PHF19: variants seen among roughly 807,000 people sequenced by gnomAD.
PHF19 encodes polycomb like 3.
PHF19 carries 21 observed loss-of-function variants against 79.8 expected under a neutral mutation model. The ratio of observed to expected loss-of-function variants is 0.26; its 90% CI spans 0.19 to 0.38. The LOEUF (loss-of-function observed/expected upper bound fraction) is 0.38. Ranked by LOEUF, PHF19 falls within the 10% of genes least tolerant of loss-of-function variation. The pLI, the probability that PHF19 is intolerant of heterozygous loss-of-function variation, is 1.00. For missense variants in PHF19, 445 were observed against 744.2 expected, an observed-to-expected ratio of 0.60 and a Z score of 4.68; for synonymous variants, 273 against 296.3, an observed-to-expected ratio of 0.92 and a Z score of 0.81.
intron 1 of PHF19, among the ~76,000 whole-genome samples, chr9:120,890,120 G>C (rs1183668892): frequency 2.0e-5 from 3 of 152,210 alleles, no homozygotes; most frequent in African/African-American, 7.2e-5. Flanking sequence ...CTGGCACCCA[G>C]TAAATGTCCC....
Position 120,860,908 on chromosome 9 carries a change from G to C in PHF19, c.1304+181C>G. The C allele has an allele frequency of 1.7e-6, 1 of 577,746 alleles. No individual in the cohort carries two copies. Among genetic ancestry groups the C allele is most frequent in the Non-Finnish European group, 3.2e-6 (1 of 316,856 alleles). 35.8% of individuals were successfully genotyped at this position (577,746 alleles called of 1,614,324 possible). A position where few individuals can be genotyped will look rare whatever the true frequency, so the allele number is the denominator to read the frequency against. On this transcript the variant is annotated intron_variant, in intron 13 of 14. Transcript: ENST00000373896. This position sits in a 1 kb window ranked among gnomAD's most constrained non-coding sequence, Gnocchi z 4.1. ...ACCATGGGGCAAGGTGGGGAGGGCT[G>C]GAGAAGAGGGGAGGGCTGTGGTGCT...
intron 3 of PHF19, among the ~76,000 whole-genome samples, chr9:120,871,273 C>T (rs932025484): frequency 1.4e-4 from 21 of 152,196 alleles, no homozygotes; most frequent in African/African-American, 4.6e-4. Flanking sequence ...CTACTATATT[C>T]CCACCTACTT....
intron 1 of PHF19, chr9:120,876,474 C>T (rs2046060301): frequency 6.6e-6 from 1 of 152,034 alleles, no homozygotes; most frequent in Non-Finnish European, 1.5e-5. Context: ...CGCCTCCGTC[C>T]TCCCGGAGCG....
upstream of PHF19, among the ~76,000 whole-genome samples, chr9:120,879,729 C>T (rs562375746): frequency 7.9e-4 from 120 of 152,194 alleles, no homozygotes; most frequent in Non-Finnish European, 1.3e-3. Flanking sequence ...ACAAGTTTCC[C>T]GGAAAAAGTA....
At position 120,860,068 on chromosome 9, in the gene PHF19, G is replaced by C. The variant is rs749645852; in HGVS notation, c.1400+22C>G. ...ATGATGGTCCTTGCAAAATGTGAAG[G>C]CCAGACCTCTAGGAAGCTCACCTGG... On this transcript the variant is annotated intron_variant, in intron 14 of 14. Transcript: ENST00000373896. This position sits in a 1 kb window ranked among gnomAD's most constrained non-coding sequence, Gnocchi z 4.1. 4 of 1,321,634 alleles carry C rather than the reference G, an allele frequency of 3.0e-6. No individual in the cohort carries two copies. The East Asian group carries it at 7.3e-5, about 24-fold the overall frequency. 81.9% of individuals were successfully genotyped at this position (1,321,634 alleles called of 1,614,324 possible). A position where few individuals can be genotyped will look rare whatever the true frequency, so the allele number is the denominator to read the frequency against.
rs554017426 is a variant in PHF19 at position 120,862,456 on chromosome 9, C to T, written c.1130+132G>A. On this transcript the variant is annotated intron_variant, in intron 11 of 14. Coordinates refer to ENST00000373896, the MANE Select transcript of PHF19 (RefSeq NM_015651.3). The surrounding 1 kb of genome is among the most constrained non-coding windows in gnomAD (Gnocchi z 4.6). ...GTTGGGGATCTGGGATCTGGGATCC[C>T]GCTCAGCCACTATCTAGCCCTCTCA... 4.0e-5 allele frequency: 29 copies of T among 718,248 alleles called. No homozygotes were observed. Among genetic ancestry groups the T allele is most frequent in the African/African-American group, 1.1e-4 (6 of 56,570 alleles). The allele number at this position is 718,248 out of a possible 1,614,324, so 44.5% of individuals were successfully genotyped here.
the PHF19 span, among the ~76,000 whole-genome samples, chr9:120,901,285 C>T: frequency 5.9e-5 from 9 of 152,052 alleles, no homozygotes; most frequent in African/African-American, 9.7e-5. Context: ...CTCTGCCTTC[C>T]GGGTTCAAGC....
At chr9:120,883,226 G>A (rs1440975343) in intron 1 of PHF19, among the ~76,000 whole-genome samples, 1 of 152,188 alleles carries the variant, frequency 6.6e-6, no homozygotes, top group Non-Finnish European at 1.5e-5. Flanking sequence ...AGAAAAGAAA[G>A]GGGAGCCTTC....
intron 8 of PHF19, 52 bp from the exon 9 acceptor site, chr9:120,865,882 C>T (rs756730334): frequency 3.2e-5 from 52 of 1,612,850 alleles, no homozygotes; most frequent in African/African-American, 1.2e-4. Context: ...GCCTGCTCAG[C>T]CAGGGTCACA....
rs758584974 is a variant in PHF19, at chr9:120,869,135, T to G, written c.614+47A>C. On this transcript the variant is annotated intron_variant, in intron 6 of 14. Coordinates refer to ENST00000373896, the MANE Select transcript of PHF19 (RefSeq NM_015651.3). The surrounding 1 kb of genome is among the most constrained non-coding windows in gnomAD (Gnocchi z 5.8). ...TATGGGCGGTCCCTGCTGGCGATTC[T>G]TGGAGACCTGCCCTGCCGCCCGGGG... 4 of 1,564,442 alleles carry G rather than the reference T, an allele frequency of 2.6e-6. No homozygotes were observed. The highest frequency in any genetic ancestry group is 3.5e-6 in the Non-Finnish European group (4 of 1,156,078).
At chr9:120,902,462 T>C in the PHF19 span, 5 of 135,146 alleles carry the variant, frequency 3.7e-5, no homozygotes, top group African/African-American at 1.4e-4. Context: ...CATCCTGCTT[T>C]CAATAGGCCC....
rs1215913531 is a variant in PHF19 at position 120,860,506 on chromosome 9, G to T, written c.1305-321C>A. 1 of 357,132 alleles carries T rather than the reference G, an allele frequency of 2.8e-6. No homozygotes were observed. Among genetic ancestry groups the T allele is most frequent in the East Asian group, 6.6e-5 (1 of 15,052 alleles). 22.1% of individuals were successfully genotyped at this position (357,132 alleles called of 1,614,324 possible). A position where few individuals can be genotyped will look rare whatever the true frequency, so the allele number is the denominator to read the frequency against. ...TTTGCATTATCTTGTTTGAGGAAAA[G>T]AGCTGAGGAGGTTCAGAGAGGTTAA... On this transcript the variant is annotated intron_variant, in intron 13 of 14. Coordinates refer to ENST00000373896, the MANE Select transcript of PHF19 (RefSeq NM_015651.3). This position sits in a 1 kb window ranked among gnomAD's most constrained non-coding sequence, Gnocchi z 4.1.
At chr9:120,882,842 C>CA (rs35003037) in intron 1 of PHF19, among the ~76,000 whole-genome samples, 63,433 of 109,354 alleles carry the variant, frequency 0.58, 16,181 homozygotes, top group Middle Eastern at 0.71. Flanking sequence ...AACTCCATCT[C>CA]AAAAAAAAAA....
At chr9:120,897,978 CAAAAAAAAAAA>C (rs577932181), upstream of PHF19, among the ~76,000 whole-genome samples, 336 of 99,682 alleles carry the variant, frequency 3.4e-3, 1 homozygote, top group African/African-American at 0.013. Context: ...GACCCCGTCT[CAAAAAAAAAAA>C]AAAAAAAAAA....
chr9:120,887,073 A>AAAAAAAAAAG (rs111427727), intron 1 of PHF19, among the ~76,000 whole-genome samples: 1 of 144,292 alleles, frequency 6.9e-6, no homozygotes, highest in Non-Finnish European at 1.5e-5. Flanking sequence ...CTAAAAAAAA[A>AAAAAAAAAAG]AAAAGAAAAG....
At chr9:120,859,612 G>A (rs1011199114) in intron 14 of PHF19, among the ~76,000 whole-genome samples, 2 of 152,126 alleles carry the variant, frequency 1.3e-5, no homozygotes, top group Non-Finnish European at 1.5e-5. Context: ...CCACCCTGCA[G>A]GATGCCATCT....
At position 120,884,754 on chromosome 9, in the gene PHF19, C is replaced by CA. The variant is rs57387656; in HGVS notation, c.43-9999dup. 5.5e-3 allele frequency among the ~76,000 whole-genome samples: 698 copies of CA among 127,028 alleles called. 5 individuals carry two copies. Among genetic ancestry groups the CA allele is most frequent in the African/African-American group, 0.014 (463 of 33,740 alleles). The allele number at this position is 127,028 out of a possible 152,430, so 83.3% of individuals were successfully genotyped here. ...GAAACCAGATCTCTACCAAAAAATA[C>CA]AAAAAAAAAAAAAAAAATTAGCTGG... On this transcript the variant is annotated intron_variant, in intron 1 of 14. Coordinates refer to the PHF19 transcript ENST00000616568.
Position 120,877,111 on chromosome 9 carries a change from G to C in PHF19, c.-36C>G, listed in dbSNP as rs967373492. ...CTCACCGCGAGGCTGCGTGTCCGCC[G>C]GTCCCACTTGGAGTCTGGCCACCAG... On this transcript the variant is annotated 5_prime_UTR_variant, in exon 1 of 15. Transcript: ENST00000373896. The C allele has an allele frequency of 1.0e-6, 1 of 985,102 alleles. No individual in the cohort carries two copies. Among genetic ancestry groups the C allele is most frequent in the African/African-American group, 1.7e-5 (1 of 57,196 alleles). The allele number at this position is 985,102 out of a possible 1,614,324, so 61.0% of individuals were successfully genotyped here. A position where few individuals can be genotyped will look rare whatever the true frequency, so the allele number is the denominator to read the frequency against.
Position 120,860,394 on chromosome 9 carries a change from C to G in PHF19, c.1305-209G>C, listed in dbSNP as rs1326965236. The G allele has an allele frequency of 1.8e-6, 1 of 548,162 alleles. No homozygotes were observed. Among genetic ancestry groups the G allele is most frequent in the Non-Finnish European group, 3.3e-6 (1 of 302,942 alleles). The allele number at this position is 548,162 out of a possible 1,614,324, so 34.0% of individuals were successfully genotyped here. A position where few individuals can be genotyped will look rare whatever the true frequency, so the allele number is the denominator to read the frequency against. ...AAAAAAACCTCCTGGAGCACCCTCC[C>G]CTGGCGGTGACGTAAGCACTGGTGT... On this transcript the variant is annotated intron_variant, in intron 13 of 14. Transcript: ENST00000373896. This position sits in a 1 kb window ranked among gnomAD's most constrained non-coding sequence, Gnocchi z 4.1.
Sources: allele counts gnomAD v4.1 joint callset (sites outside exome capture counted in the v4.1 genomes callset), GRCh38; gene constraint gnomAD v4.1.1; non-coding constraint Gnocchi (gnomAD v3.1); transcripts MANE v1.5; gene names NCBI Gene and HGNC (gene_info 2026-07-23, HGNC 2026-07-21).